Variants in PTCD2 observed in about 807,000 individuals in gnomAD.
PTCD2 encodes the protein pentatricopeptide repeat-containing protein 2, mitochondrial.
In PTCD2, 31 loss-of-function variants were observed where a neutral mutation model predicts 42.6. That is an observed-to-expected ratio of 0.73 (90% confidence interval 0.55 to 0.98). PTCD2 has a LOEUF of 0.98. Among genes scored for constraint, PTCD2 ranks in the 50% least tolerant of loss-of-function variants. The probability of loss-of-function intolerance (pLI) is 0.00; values close to 1 mark genes in which losing one functional copy is unlikely to be tolerated. For missense variants in PTCD2, 476 were observed against 454.8 expected (o/e 1.05, Z -0.42); for synonymous variants, 183 against 170.9 (o/e 1.07, Z -0.55).
At chr5:72,350,713 A>T (rs1752581049) in intron 8 of PTCD2, among the ~76,000 whole-genome samples, 1 of 152,206 alleles carries the variant, frequency 6.6e-6, no homozygotes, top group African/African-American at 2.4e-5. Flanking sequence ...TGTTCTTCCG[A>T]ACCAAAGACA....
chr5:72,349,115 G>C (rs1561394089), intron 8 of PTCD2, among the ~76,000 whole-genome samples: 1 of 152,172 alleles, frequency 6.6e-6, no homozygotes, highest in African/African-American at 2.4e-5. Context: ...GTCAGTCCAC[G>C]CCTTGTGTGG....
chr5:72,324,386 G>A (rs1751024534), intron 2 of PTCD2, among the ~76,000 whole-genome samples: 1 of 152,120 alleles, frequency 6.6e-6, no homozygotes. Context: ...TGGCATCCTG[G>A]CTCTCCCGTG....
At chr5:72,348,869 C>G (rs1386799155) in intron 8 of PTCD2, among the ~76,000 whole-genome samples, 1 of 152,336 alleles carries the variant, frequency 6.6e-6, no homozygotes, top group Non-Finnish European at 1.5e-5. Context: ...GTTAATGCCC[C>G]TTTCTCCTAC....
At position 72,350,881 on chromosome 5, in the gene PTCD2, G is replaced by C. The variant is rs548945043; in HGVS notation, c.829-1760G>C. Among the ~76,000 whole-genome samples the C allele has an allele frequency of 6.6e-5, 10 of 152,122 alleles. No individual in the cohort carries two copies. In the South Asian group the frequency reaches 1.5e-3, roughly 22 times the overall value. On this transcript the variant is annotated intron_variant, in intron 8 of 9. Coordinates refer to ENST00000380639, the MANE Select transcript of PTCD2 (RefSeq NM_024754.5). ...TAAAAATGTCTCTATGCTTTGACTT[G>C]GTAATTTTACTTCTGGGAATCAAGT...
chr5:72,324,030 A>G (rs1052906158), intron 2 of PTCD2, among the ~76,000 whole-genome samples: 1 of 152,176 alleles, frequency 6.6e-6, no homozygotes, highest in Admixed American at 6.5e-5. Flanking sequence ...ATAATACCAT[A>G]TAGGGGGCAA....
chr5:72,329,555 T>C (rs1363151544), intron 3 of PTCD2, among the ~76,000 whole-genome samples: 9 of 152,218 alleles, frequency 5.9e-5, no homozygotes, highest in Admixed American at 5.9e-4. Flanking sequence ...TTTTTTTTGC[T>C]TTCTTTTGCT....
At chr5:72,330,446 T>C (rs1410423331) in intron 3 of PTCD2, among the ~76,000 whole-genome samples, 9 of 152,320 alleles carry the variant, frequency 5.9e-5, no homozygotes, top group Non-Finnish European at 1.5e-5. Context: ...ATTATATGAA[T>C]CTAAATCTGA....
intron 8 of PTCD2, among the ~76,000 whole-genome samples, chr5:72,350,863 G>C (rs1227531514): frequency 1.3e-5 from 2 of 152,136 alleles, no homozygotes; most frequent in African/African-American, 4.8e-5. Context: ...CCTTAAAAAT[G>C]TCTCTATGCT....
rs1753162472 is a variant in PTCD2 at position 72,364,723 on chromosome 5, A to G, written c.*6296A>G. 6.6e-6 allele frequency: 1 copy of G among 152,212 alleles called. No individual in the cohort carries two copies. The highest frequency in any genetic ancestry group is 2.1e-4 in the South Asian group (1 of 4,832). The allele number at this position is 152,212 out of a possible 1,614,324, so 9.4% of individuals were successfully genotyped here. ...TTTCTGTCCCGGTTTTACACATGAC[A>G]GAGCCAAGACACAGACAAGTAGAAT... On this transcript the variant is annotated 3_prime_UTR_variant, in exon 10 of 10. Transcript: ENST00000380639.
intron 8 of PTCD2, among the ~76,000 whole-genome samples, chr5:72,346,521 G>T (rs1209792252): frequency 6.6e-6 from 1 of 152,190 alleles, no homozygotes; most frequent in Admixed American, 6.5e-5. Flanking sequence ...AGAAACTACA[G>T]GTCTGAGCAG....
At chr5:72,344,067 C>T (rs1263467243) in intron 8 of PTCD2, among the ~76,000 whole-genome samples, 1 of 152,088 alleles carries the variant, frequency 6.6e-6, no homozygotes, top group Non-Finnish European at 1.5e-5. Context: ...TGAAGGGGGT[C>T]GGGTTGGCCG....
In PTCD2 at chr5:72,331,363, C is replaced by T. The variant is rs1561380214; in HGVS notation, c.456C>T (p.Leu152=). ...ELDLEESAVE[L]MKDQHLRGFF... The stretch of plus-strand genomic sequence containing the variant: ...ATCTCGAGGAATCTGCAGTGGAGCT[C>T]ATGAAAGACCAGGTTATTGTTTCCT... The change falls in exon 4 of 10, where the codon CTC becomes CTT. Residue 152 remains leucine, a synonymous_variant. Coordinates refer to ENST00000380639, the MANE Select transcript of PTCD2 (RefSeq NM_024754.5). 6.2e-7 allele frequency: 1 copy of T among 1,605,412 alleles called. No homozygotes were observed. The highest frequency in any genetic ancestry group is 8.5e-7 in the Non-Finnish European group (1 of 1,172,048).
Position 72,352,737 on chromosome 5 carries a change from G to A in PTCD2, c.925G>A (p.Val309Met). Residue 309 changes from valine (V) to methionine (M), a missense_variant, in exon 9 of 10, where the codon GTG becomes ATG. Physicochemically the swap from Val to Met is conservative, Grantham distance 21. Transcript: ENST00000380639. ...TTTATCAAAATTTGTGAAAAGACATGTGTTCTCGGAGGAAGTGGTGAGTAT... is the reference window on the plus strand; with the variant it reads ...TTTATCAAAATTTGTGAAAAGACATATGTTCTCGGAGGAAGTGGTGAGTAT... ...GNLSKFVKRH[V>M]FSEEVLAKVR... is the part of the protein sequence containing the mutation. 1 of 1,579,082 alleles carries A rather than the reference G, an allele frequency of 6.3e-7. No homozygotes were observed. Among genetic ancestry groups the A allele is most frequent in the Non-Finnish European group, 8.7e-7 (1 of 1,148,530 alleles).
At chr5:72,329,821 TTGAA>T (rs1751342902) in intron 3 of PTCD2, among the ~76,000 whole-genome samples, 1 of 152,310 alleles carries the variant, frequency 6.6e-6, no homozygotes, top group African/African-American at 2.4e-5. Flanking sequence ...GAGCTAGGAT[TTGAA>T]TGATCAGTTT....
intron 8 of PTCD2, among the ~76,000 whole-genome samples, chr5:72,344,309 C>A (rs573921038): frequency 6.6e-6 from 1 of 152,046 alleles, no homozygotes; most frequent in Non-Finnish European, 1.5e-5. Context: ...GTCAGGAGAT[C>A]GAGATCATCT....
At position 72,364,415 on chromosome 5, in the gene PTCD2, A is replaced by G. The variant is rs988335191; in HGVS notation, c.*5988A>G. On this transcript the variant is annotated 3_prime_UTR_variant, in exon 10 of 10. Coordinates refer to ENST00000380639, the MANE Select transcript of PTCD2 (RefSeq NM_024754.5). The stretch of plus-strand genomic sequence containing the variant: ...GAAGACCTTTTGCTGGTGTTTTGTA[A>G]AACCAGTTGTCTGTGTCATTTATTT... 2 of 152,190 alleles carry G rather than the reference A, an allele frequency of 1.3e-5. No individual in the cohort carries two copies. The highest frequency in any genetic ancestry group is 2.4e-5 in the African/African-American group (1 of 41,440). The allele number at this position is 152,190 out of a possible 1,614,324, so 9.4% of individuals were successfully genotyped here.
chr5:72,354,952 G>A (rs1178093907), intron 9 of PTCD2, among the ~76,000 whole-genome samples: 1 of 152,192 alleles, frequency 6.6e-6, no homozygotes, highest in Non-Finnish European at 1.5e-5. Context: ...ACTTAAATAT[G>A]TTTTTAAGTG....
chr5:72,345,027 G>A (rs553953382), intron 8 of PTCD2, among the ~76,000 whole-genome samples: 8 of 152,206 alleles, frequency 5.3e-5, no homozygotes, highest in African/African-American at 9.6e-5. Flanking sequence ...GCAGACAACC[G>A]GTCTGACCAA....
At chr5:72,331,183 G>A in intron 3 of PTCD2, 75 bp from the exon 4 acceptor site, 1 of 938,670 alleles carries the variant, frequency 1.1e-6, no homozygotes, top group African/African-American at 1.6e-5. Context: ...ACCTGGCACA[G>A]TACCTGCCAT....
Sources: allele counts gnomAD v4.1 joint callset (sites outside exome capture counted in the v4.1 genomes callset), GRCh38; gene constraint gnomAD v4.1.1; transcripts MANE v1.5; gene names NCBI Gene and HGNC (gene_info 2026-07-23, HGNC 2026-07-21).